The following EXOC2 variants were observed in gnomAD, a reference collection of about 807,000 sequenced individuals.
The protein encoded by EXOC2 is exocyst complex component 2, also known as SEC5-like 1.
EXOC2 carries 70 observed loss-of-function variants against 131.8 expected under a neutral mutation model. The ratio of observed to expected loss-of-function variants is 0.53; its 90% CI spans 0.44 to 0.65. The LOEUF (loss-of-function observed/expected upper bound fraction) is 0.65, where lower values mean the gene tolerates loss of function less well. EXOC2 is among the 30% of genes least tolerant of loss of function. EXOC2 has a pLI of 0.00. For synonymous variants in EXOC2, 411 were observed against 398.4 expected (o/e 1.03, Z -0.38); for missense variants, 923 against 1,108.6 (o/e 0.83, Z 2.38).
intron 1 of EXOC2, among the ~76,000 whole-genome samples, chr6:680,024 A>T (rs927933998): frequency 2.7e-5 from 4 of 150,214 alleles, no homozygotes; most frequent in African/African-American, 9.8e-5. Flanking sequence ...CCGGATGACT[A>T]TTTTTTTTTT....
At chr6:543,015 G>C (rs1038442410) in intron 22 of EXOC2, among the ~76,000 whole-genome samples, 1 of 152,216 alleles carries the variant, frequency 6.6e-6, no homozygotes, top group East Asian at 1.9e-4. Context: ...TGATAAGCTG[G>C]AGAGTGGAAA....
chr6:661,189 A>G (rs1223944151), intron 1 of EXOC2, among the ~76,000 whole-genome samples: 1 of 152,212 alleles, frequency 6.6e-6, no homozygotes. Flanking sequence ...TTCCTGAGGA[A>G]GAAGAGAATT....
intron 23 of EXOC2, among the ~76,000 whole-genome samples, chr6:518,422 C>A (rs185170546): frequency 1.4e-3 from 209 of 152,266 alleles, no homozygotes; most frequent in Non-Finnish European, 1.8e-3. Context: ...TTTATTTGTA[C>A]AATAGTATGT....
chr6:608,823 A>G (rs1760564749), intron 7 of EXOC2, among the ~76,000 whole-genome samples: 1 of 152,244 alleles, frequency 6.6e-6, no homozygotes. Context: ...TGTTTTTTAT[A>G]CAGATATCAT....
chr6:567,546 T>C (rs1194429982), intron 13 of EXOC2, among the ~76,000 whole-genome samples: 1 of 152,260 alleles, frequency 6.6e-6, no homozygotes, highest in Non-Finnish European at 1.5e-5. Flanking sequence ...CTTTTATTTA[T>C]ATTGTAGATA....
chr6:564,685 T>C lies in EXOC2; in HGVS notation c.1527A>G (p.Val509=). 6.3e-7 allele frequency: 1 copy of C among 1,595,462 alleles called. No individual in the cohort carries two copies. The highest frequency in any genetic ancestry group is 1.1e-5 in the South Asian group (1 of 88,614). ...QNDFKKMIQE[V]MHSLVKLTRG... Reference sequence around the variant, plus strand: ...GGGTAAGCTTCACCAGGGAGTGCATTACTTCCTGAATCATTTTCTAGAAAA... The same window carrying C: ...GGGTAAGCTTCACCAGGGAGTGCATCACTTCCTGAATCATTTTCTAGAAAA... The change falls in exon 15 of 28, where the codon GTA becomes GTG. Residue 509 remains valine, a synonymous_variant. Transcript: ENST00000230449.
intron 25 of EXOC2, among the ~76,000 whole-genome samples, chr6:496,517 C>T (rs1046041414): frequency 1.3e-5 from 2 of 152,132 alleles, no homozygotes; most frequent in African/African-American, 4.8e-5. Context: ...ACCTCTCTCA[C>T]CTAGCCGTAG....
intron 1 of EXOC2, among the ~76,000 whole-genome samples, chr6:641,587 T>C (rs943411622): frequency 1.3e-5 from 2 of 152,128 alleles, no homozygotes; most frequent in African/African-American, 2.4e-5. Flanking sequence ...ACAAATAAAA[T>C]GGCAAAACAA....
rs532332093 is a variant in EXOC2 at position 682,412 on chromosome 6, G to A, written c.-44+10607C>T. 1.3e-3 allele frequency among the ~76,000 whole-genome samples: 203 copies of A among 152,136 alleles called. 4 individuals carry two copies. The East Asian group carries it at 0.033, about 25-fold the overall frequency. Reference sequence around the variant, plus strand: ...AGACAGGGTTTCTCTGTGTTAGCCAGGATGGTCTAGATCTCCTGACCTCGT... The same window carrying A: ...AGACAGGGTTTCTCTGTGTTAGCCAAGATGGTCTAGATCTCCTGACCTCGT... On this transcript the variant is annotated intron_variant, in intron 1 of 27. Transcript: ENST00000230449.
At chr6:539,963 T>A (rs989997313) in intron 22 of EXOC2, among the ~76,000 whole-genome samples, 2 of 152,192 alleles carry the variant, frequency 1.3e-5, no homozygotes, top group East Asian at 1.9e-4. Flanking sequence ...TAACTAATTT[T>A]AAAAAACCTC....
rs539736954 is a variant in EXOC2 at position 506,482 on chromosome 6, T to C, written c.2381-6782A>G. 6.6e-6 allele frequency among the ~76,000 whole-genome samples: 1 copy of C among 152,316 alleles called. No individual in the cohort carries two copies. The highest frequency in any genetic ancestry group is 2.1e-4 in the South Asian group (1 of 4,832). On this transcript the variant is annotated intron_variant, in intron 23 of 27. Coordinates refer to ENST00000230449, the MANE Select transcript of EXOC2 (RefSeq NM_018303.6). This position sits in a 1 kb window ranked among gnomAD's most constrained non-coding sequence, Gnocchi z 4.4. ...TAAAGGCTACATTATTATGCTGCAGTAATAAGTACTGTTTTTAAAAAGGTT... is the reference window on the plus strand; with the variant it reads ...TAAAGGCTACATTATTATGCTGCAGCAATAAGTACTGTTTTTAAAAAGGTT...
rs1416514186 is a variant in EXOC2, at chr6:502,961, T to G, written c.2381-3261A>C. 2.0e-5 allele frequency among the ~76,000 whole-genome samples: 3 copies of G among 152,106 alleles called. No individual in the cohort carries two copies. In the East Asian group the frequency reaches 5.8e-4, roughly 29 times the overall value. Reference sequence around the variant, plus strand: ...CTAGTCAAACCACACATCAGGCCAGTGAGGTTCAAAGAGGCAGCATTCAAC... The same window carrying G: ...CTAGTCAAACCACACATCAGGCCAGGGAGGTTCAAAGAGGCAGCATTCAAC... On this transcript the variant is annotated intron_variant, in intron 23 of 27. Transcript: ENST00000230449.
intron 20 of EXOC2, among the ~76,000 whole-genome samples, chr6:554,470 G>A (rs982490628): frequency 3.3e-5 from 5 of 152,138 alleles, no homozygotes; most frequent in Non-Finnish European, 7.3e-5. Context: ...CCAATTCCTG[G>A]TGAAATAATG....
chr6:581,381 T>C (rs1758893483), intron 11 of EXOC2, among the ~76,000 whole-genome samples: 1 of 151,960 alleles, frequency 6.6e-6, no homozygotes, highest in Non-Finnish European at 1.5e-5. Flanking sequence ...ATCTTAAAGA[T>C]AGTAAGCACA....
intron 23 of EXOC2, among the ~76,000 whole-genome samples, chr6:516,819 G>A (rs1388512517): frequency 2.0e-5 from 3 of 152,206 alleles, no homozygotes; most frequent in Admixed American, 6.5e-5. Context: ...AATCCCTAAT[G>A]CTTTCCATAG....
At chr6:634,877 C>T (rs1267546490) in intron 2 of EXOC2, among the ~76,000 whole-genome samples, 2 of 151,978 alleles carry the variant, frequency 1.3e-5, no homozygotes, top group Non-Finnish European at 2.9e-5. Flanking sequence ...GATTGAAAGC[C>T]TCTCCAAACT....
At chr6:488,112 TGCGGG>T (rs1326977761) in intron 27 of EXOC2, among the ~76,000 whole-genome samples, 3 of 152,312 alleles carry the variant, frequency 2.0e-5, no homozygotes, top group East Asian at 3.9e-4. Context: ...GTGGGATGCG[TGCGGG>T]GCGGGGCGGC....
At chr6:592,676 T>C (rs1759607315) in intron 10 of EXOC2, 89 bp from the exon 11 acceptor site, 5 of 881,942 alleles carry the variant, frequency 5.7e-6, no homozygotes, top group Non-Finnish European at 9.2e-6. Context: ...TTTTATCAAT[T>C]AGTCTTGTGC....
chr6:511,132 G>A (rs762503735), intron 23 of EXOC2, among the ~76,000 whole-genome samples: 8 of 152,344 alleles, frequency 5.3e-5, no homozygotes, highest in Middle Eastern at 3.4e-3. Context: ...GTGGCTACAC[G>A]AGTGAATGCT....
Sources: allele counts gnomAD v4.1 joint callset (sites outside exome capture counted in the v4.1 genomes callset), GRCh38; gene constraint gnomAD v4.1.1; non-coding constraint Gnocchi (gnomAD v3.1); transcripts MANE v1.5; gene names NCBI Gene and HGNC (gene_info 2026-07-23, HGNC 2026-07-21).